The following SNX29 variants were observed in gnomAD, a reference collection of about 807,000 sequenced individuals.
SNX29 encodes sorting nexin 29.
A neutral mutation model predicts 102.1 loss-of-function variants in SNX29; 78 were observed. That is an observed-to-expected ratio of 0.76 (90% confidence interval 0.64 to 0.92). The LOEUF (loss-of-function observed/expected upper bound fraction) is 0.92. SNX29 is among the 40% of genes least tolerant of loss of function. SNX29 has a pLI of 0.00. For missense variants in SNX29, 1,280 were observed against 1,061.7 expected (o/e 1.21, Z -2.86); for synonymous variants, 580 against 414.5 (o/e 1.40, Z -4.85).
intron 20 of SNX29, among the ~76,000 whole-genome samples, chr16:12,561,870 G>A (rs1253207366): frequency 6.6e-6 from 1 of 152,142 alleles, no homozygotes; most frequent in Non-Finnish European, 1.5e-5. Context: ...GGACTTATGG[G>A]CTGTCTCCTA....
chr16:12,522,154 T>G (rs1204539567), intron 19 of SNX29, among the ~76,000 whole-genome samples: 1 of 152,236 alleles, frequency 6.6e-6, no homozygotes, highest in Non-Finnish European at 1.5e-5. Context: ...CCCAGTGAAA[T>G]TGGAAGTTCA....
chr16:12,331,932 C>T (rs896172799), intron 15 of SNX29, among the ~76,000 whole-genome samples: 7 of 152,076 alleles, frequency 4.6e-5, no homozygotes, highest in Non-Finnish European at 7.4e-5. Flanking sequence ...TGGTGGCGCA[C>T]GCCTGTAGTC....
At chr16:12,281,153 A>G (rs565558338) in intron 15 of SNX29, among the ~76,000 whole-genome samples, 21 of 152,226 alleles carry the variant, frequency 1.4e-4, no homozygotes, top group African/African-American at 2.9e-4. Flanking sequence ...ACCTCCAACA[A>G]TACTCTCACC....
intron 14 of SNX29, among the ~76,000 whole-genome samples, chr16:12,226,279 A>G (rs1040661111): frequency 2.0e-5 from 3 of 152,198 alleles, no homozygotes. Context: ...AATGAAGTGG[A>G]TGCTGGCAGA....
chr16:11,998,783 T>C (rs1284334044), intron 1 of SNX29, among the ~76,000 whole-genome samples: 1 of 152,148 alleles, frequency 6.6e-6, no homozygotes, highest in Non-Finnish European at 1.5e-5. Context: ...AGAAGAGGAG[T>C]AATCAGGTTT....
At chr16:12,055,502 A>G (rs949370767) in intron 8 of SNX29, among the ~76,000 whole-genome samples, 1 of 152,098 alleles carries the variant, frequency 6.6e-6, no homozygotes, top group Non-Finnish European at 1.5e-5. Context: ...GAGTGCTGGG[A>G]TTACAGGCAT....
chr16:12,564,192 G>T (rs9938255), intron 20 of SNX29, among the ~76,000 whole-genome samples: 1 of 151,986 alleles, frequency 6.6e-6, no homozygotes, highest in South Asian at 2.1e-4. Flanking sequence ...GTTTGAGACC[G>T]TCCTGGGCAC....
intron 14 of SNX29, among the ~76,000 whole-genome samples, chr16:12,210,445 C>T (rs946797006): frequency 1.3e-5 from 2 of 151,206 alleles, no homozygotes; most frequent in East Asian, 1.9e-4. Context: ...CCTCCTGCCT[C>T]GGCCTCCTGA....
intron 13 of SNX29, among the ~76,000 whole-genome samples, chr16:12,184,991 C>G (rs1786390535): frequency 6.6e-6 from 1 of 152,196 alleles, no homozygotes; most frequent in African/African-American, 2.4e-5. Context: ...GGGCCAACAG[C>G]AGTTCTGCTG....
chr16:12,249,991 G>C (rs1159097509), intron 14 of SNX29, among the ~76,000 whole-genome samples: 2 of 152,168 alleles, frequency 1.3e-5, no homozygotes, highest in African/African-American at 4.8e-5. Flanking sequence ...GACAGGTCAA[G>C]GAGCAATCTC....
intron 19 of SNX29, among the ~76,000 whole-genome samples, chr16:12,524,186 TTTA>T (rs2090207371): frequency 6.6e-6 from 1 of 152,190 alleles, no homozygotes; most frequent in African/African-American, 2.4e-5. Flanking sequence ...ACGGAAATTG[TTTA>T]TTAATAAAAC....
intron 16 of SNX29, among the ~76,000 whole-genome samples, chr16:12,387,872 T>A (rs2083391230): frequency 6.6e-6 from 1 of 152,188 alleles, no homozygotes; most frequent in Non-Finnish European, 1.5e-5. Context: ...GCATTCTTTC[T>A]TGTGACTGGT....
chr16:12,539,778 G>A (rs1019299619), intron 20 of SNX29, among the ~76,000 whole-genome samples: 2 of 152,194 alleles, frequency 1.3e-5, no homozygotes, highest in African/African-American at 4.8e-5. Flanking sequence ...TTTTCCTAAT[G>A]AGTAATGATG....
chr16:12,547,439 G>T (rs760692610), intron 20 of SNX29, among the ~76,000 whole-genome samples: 2 of 152,160 alleles, frequency 1.3e-5, no homozygotes, highest in Non-Finnish European at 2.9e-5. Flanking sequence ...CGGGGAGAGG[G>T]GATGGTGCCT....
rs1409283335 is a variant in SNX29 at position 12,562,403 on chromosome 16, C to T, written c.2319-6103C>T. 2.0e-5 allele frequency among the ~76,000 whole-genome samples: 3 copies of T among 152,284 alleles called. No individual in the cohort carries two copies. The East Asian group carries it at 5.8e-4, about 29-fold the overall frequency. The stretch of plus-strand genomic sequence containing the variant: ...AACAGCTCAAGAGACAGATCACATA[C>T]CATACAATTTACCCACTTAAAGTGC... On this transcript the variant is annotated intron_variant, in intron 20 of 20. Coordinates refer to ENST00000566228, the MANE Select transcript of SNX29 (RefSeq NM_032167.5).
At chr16:12,449,808 C>G (rs1475084608) in intron 18 of SNX29, among the ~76,000 whole-genome samples, 1 of 152,202 alleles carries the variant, frequency 6.6e-6, no homozygotes, top group Non-Finnish European at 1.5e-5. Context: ...AAATCCCTGT[C>G]TTTGGTCACA....
At chr16:12,223,160 G>T (rs542002051) in intron 14 of SNX29, among the ~76,000 whole-genome samples, 1 of 152,216 alleles carries the variant, frequency 6.6e-6, no homozygotes, top group African/African-American at 2.4e-5. Context: ...CTACCACTCA[G>T]CAGCTGTGTG....
chr16:12,125,964 C>T (rs1474342623), intron 11 of SNX29, among the ~76,000 whole-genome samples: 1 of 152,164 alleles, frequency 6.6e-6, no homozygotes, highest in Non-Finnish European at 1.5e-5. Flanking sequence ...AATGCCACAT[C>T]GCTGTCTGGG....
At chr16:12,316,087 G>A (rs1255907461) in intron 15 of SNX29, among the ~76,000 whole-genome samples, 2 of 152,332 alleles carry the variant, frequency 1.3e-5, no homozygotes, top group East Asian at 1.9e-4. Context: ...GAAGGGAGAT[G>A]TTGCTTGAAG....
Sources: gnomAD v4.1 joint callset for allele counts (sites outside exome capture counted in the v4.1 genomes callset) on GRCh38, gnomAD v4.1.1 for gene constraint, MANE v1.5 for transcripts, NCBI Gene and HGNC (gene_info 2026-07-23, HGNC 2026-07-21) for gene names.